CDH18: variants seen among roughly 807,000 people sequenced by gnomAD.
The protein encoded by CDH18 is cadherin-18.
Under a neutral mutation model 67.9 loss-of-function variants are expected in CDH18, and 31 were observed. The ratio of observed to expected loss-of-function variants is 0.46; its 90% CI spans 0.34 to 0.62. CDH18 has a LOEUF of 0.62. Among genes scored for constraint, CDH18 ranks in the 20% least tolerant of loss-of-function variants. The pLI is 0.01. For synonymous variants in CDH18, 362 were observed against 347.2 expected (o/e 1.04, Z -0.48); for missense variants, 890 against 975.5 (o/e 0.91, Z 1.17).
intron 1 of CDH18, among the ~76,000 whole-genome samples, chr5:20,511,934 A>C (rs1755059519): frequency 6.6e-6 from 1 of 152,136 alleles, no homozygotes; most frequent in Admixed American, 6.6e-5. Context: ...AATTTTTATA[A>C]ATTTAAAAAA....
intron 3 of CDH18, among the ~76,000 whole-genome samples, chr5:19,819,014 G>GA (rs999236049): frequency 2.6e-5 from 4 of 151,820 alleles, no homozygotes; most frequent in Non-Finnish European, 5.9e-5. Context: ...TTACATGTTG[G>GA]AAAAAAATGT....
Position 20,460,611 on chromosome 5 carries a change from T to TA in CDH18, c.-580+114850_-580+114851insT, listed in dbSNP as rs1196430417. 8.0e-3 allele frequency among the ~76,000 whole-genome samples: 1,217 copies of TA among 152,090 alleles called. 16 individuals are homozygous for TA. Among genetic ancestry groups the TA allele is most frequent in the African/African-American group, 0.028 (1,161 of 41,488 alleles). On this transcript the variant is annotated intron_variant, in intron 1 of 14. Coordinates refer to the CDH18 transcript ENST00000507958. The stretch of plus-strand genomic sequence containing the variant: ...ATTTGCTTATAGTCAGATTTCATCT[T>TA]TGAACAGTGAAACCTACATTTGAGA...
intron 2 of CDH18, among the ~76,000 whole-genome samples, chr5:20,147,977 A>G (rs1484196172): frequency 1.3e-5 from 2 of 152,106 alleles, no homozygotes; most frequent in Non-Finnish European, 2.9e-5. Context: ...AATAAGAGTG[A>G]ATTTGAATGT....
intron 5 of CDH18, among the ~76,000 whole-genome samples, chr5:19,687,236 G>A (rs1003729712): frequency 1.3e-5 from 2 of 152,076 alleles, no homozygotes; most frequent in Non-Finnish European, 2.9e-5. Context: ...AGGGAGTGAT[G>A]CTCCACTTGG....
intron 9 of CDH18, among the ~76,000 whole-genome samples, chr5:19,530,810 T>C (rs1032590283): frequency 3.3e-5 from 5 of 152,236 alleles, no homozygotes; most frequent in Non-Finnish European, 5.9e-5. Flanking sequence ...ATATGTACCA[T>C]ATTTTCTTAA....
chr5:19,773,426 T>C (rs1250208924), intron 3 of CDH18, among the ~76,000 whole-genome samples: 2 of 152,168 alleles, frequency 1.3e-5, no homozygotes, highest in Admixed American at 1.3e-4. Flanking sequence ...AAACAAATTG[T>C]AATTTGACTT....
At chr5:19,960,840 T>C (rs1384876218) in intron 2 of CDH18, among the ~76,000 whole-genome samples, 3 of 150,126 alleles carry the variant, frequency 2.0e-5, no homozygotes, top group Non-Finnish European at 4.4e-5. Flanking sequence ...TACATACATA[T>C]ATGTAAACAC....
intron 1 of CDH18, among the ~76,000 whole-genome samples, chr5:20,547,758 T>C (rs988846264): frequency 1.3e-5 from 2 of 152,154 alleles, no homozygotes; most frequent in Non-Finnish European, 2.9e-5. Flanking sequence ...ACTAAACTTA[T>C]TCCTAGATGA....
chr5:19,535,397 C>A (rs1749255641), intron 9 of CDH18, among the ~76,000 whole-genome samples: 1 of 152,148 alleles, frequency 6.6e-6, no homozygotes, highest in Non-Finnish European at 1.5e-5. Context: ...AGACAAATTG[C>A]ATACATCAAA....
chr5:19,988,685 G>A (rs1265559538), upstream of CDH18, among the ~76,000 whole-genome samples: 4 of 151,960 alleles, frequency 2.6e-5, no homozygotes, highest in African/African-American at 4.8e-5. Flanking sequence ...AATAAGGCAG[G>A]GCAGGCGCTG....
rs573892699 is a variant in CDH18, at chr5:20,338,270, G to A, written c.-579-82765C>T. Among the ~76,000 whole-genome samples the A allele has an allele frequency of 2.6e-5, 4 of 152,148 alleles. No individual in the cohort carries two copies. In the South Asian group the frequency reaches 8.3e-4, roughly 32 times the overall value. On this transcript the variant is annotated intron_variant, in intron 1 of 14. Transcript: ENST00000507958. Reference sequence around the variant, plus strand: ...AGACAAATTAATTTTCTTCTGTTAGGAGACACATTGTAGAGACAGCCTATC... The same window carrying A: ...AGACAAATTAATTTTCTTCTGTTAGAAGACACATTGTAGAGACAGCCTATC...
chr5:19,859,607 C>T (rs2149971564), intron 2 of CDH18, among the ~76,000 whole-genome samples: 1 of 152,222 alleles, frequency 6.6e-6, no homozygotes, highest in Non-Finnish European at 1.5e-5. Context: ...CTAACCCAGA[C>T]ATTTCTTTCT....
At chr5:20,018,896 G>A (rs1037035340) in intron 2 of CDH18, among the ~76,000 whole-genome samples, 5 of 150,374 alleles carry the variant, frequency 3.3e-5, no homozygotes, top group Admixed American at 6.6e-5. Flanking sequence ...CCGGGTTCAC[G>A]CCATTCTCCT....
intron 11 of CDH18, among the ~76,000 whole-genome samples, chr5:19,500,220 T>A (rs1168061075): frequency 2.0e-5 from 3 of 152,158 alleles, no homozygotes; most frequent in Admixed American, 6.6e-5. Context: ...AGTACATGAA[T>A]AAATATATGT....
intron 2 of CDH18, among the ~76,000 whole-genome samples, chr5:20,126,044 C>G (rs1012666116): frequency 1.3e-5 from 2 of 152,184 alleles, no homozygotes; most frequent in African/African-American, 4.8e-5. Flanking sequence ...GGAGGTCCCA[C>G]ACTTCCGGAT....
Position 20,499,466 on chromosome 5 carries a change from A to C in CDH18, c.-580+75996T>G, listed in dbSNP as rs998756405. 1.4e-4 allele frequency among the ~76,000 whole-genome samples: 21 copies of C among 152,094 alleles called. 1 individual carries two copies. The highest frequency in any genetic ancestry group is 4.8e-4 in the African/African-American group (20 of 41,458). On this transcript the variant is annotated intron_variant, in intron 1 of 14. Coordinates refer to the CDH18 transcript ENST00000507958. ...GCAGATCCATAACCCACAGATACAGAGGGCTGACTGCGTAAAAACTGGGGG... is the reference window on the plus strand; with the variant it reads ...GCAGATCCATAACCCACAGATACAGCGGGCTGACTGCGTAAAAACTGGGGG...
At chr5:20,452,571 G>A (rs1046114650) in intron 1 of CDH18, among the ~76,000 whole-genome samples, 1 of 152,000 alleles carries the variant, frequency 6.6e-6, no homozygotes, top group Non-Finnish European at 1.5e-5. Flanking sequence ...CAACATGGAC[G>A]CCAAGATGGG....
At chr5:19,618,716 A>C (rs186223952) in intron 5 of CDH18, among the ~76,000 whole-genome samples, 224 of 152,310 alleles carry the variant, frequency 1.5e-3, no homozygotes, top group African/African-American at 5.1e-3. Flanking sequence ...GGTCCCAGGC[A>C]TAAGTTTTGT....
intron 11 of CDH18, among the ~76,000 whole-genome samples, chr5:19,490,464 G>A (rs1353583178): frequency 7.7e-6 from 1 of 130,336 alleles, no homozygotes; most frequent in African/African-American, 2.9e-5. Flanking sequence ...TGGGGCACTG[G>A]AGTGCAGTGG....
Sources: gnomAD v4.1 joint callset for allele counts (sites outside exome capture counted in the v4.1 genomes callset) on GRCh38, gnomAD v4.1.1 for gene constraint, MANE v1.5 for transcripts, NCBI Gene and HGNC (gene_info 2026-07-23, HGNC 2026-07-21) for gene names.